Variants in ERI2 observed in about 807,000 individuals in gnomAD.
ERI2 encodes the protein ERI1 exoribonuclease family member 2.
ERI2 carries 35 observed loss-of-function variants against 46.8 expected under a neutral mutation model. That is an observed-to-expected ratio of 0.75 (90% CI 0.57 to 0.99). The LOEUF (loss-of-function observed/expected upper bound fraction) is 0.99, where lower values mean the gene tolerates loss of function less well. Ranked by LOEUF, ERI2 falls within the 50% of genes least tolerant of loss-of-function variation. The probability of loss-of-function intolerance (pLI) is 0.00; values close to 1 mark genes in which losing one functional copy is unlikely to be tolerated. For synonymous variants in ERI2, 224 were observed against 271.0 expected, an observed-to-expected ratio of 0.83 and a Z score of 1.70; for missense variants, 695 against 796.2, an observed-to-expected ratio of 0.87 and a Z score of 1.53.
chr16:20,785,167 A>T (rs2080445700), intron 10 of ERI2: 1 of 1,598,676 alleles, frequency 6.3e-7, no homozygotes, highest in East Asian at 2.3e-5. Flanking sequence ...AATAAAAACC[A>T]AAGTGTCCAC....
At position 20,798,015 on chromosome 16, in the gene ERI2, TG is replaced by T. The variant is rs777216613; in HGVS notation, c.1784del (p.Pro595HisfsTer81). On this transcript the variant is annotated frameshift_variant, in exon 9 of 9. Transcript: ENST00000357967. LOFTEE classifies it high-confidence loss of function. ...EPWKSGKMTP[P>X]LCKCGRRSKR... ...TAGATCTCCGACCACACTTGCATAA[TG>T]GAGGTGTCATTTTCCCACTCTTCCA... 191 of 1,551,846 alleles carry T rather than the reference TG, an allele frequency of 1.2e-4. No homozygotes were observed. The highest frequency in any genetic ancestry group is 1.4e-4 in the Non-Finnish European group (164 of 1,147,002).
rs1567371213 is a variant in ERI2, at chr16:20,800,300, A to ACCTT, written c.559_561+1dup. The ACCTT allele has an allele frequency of 6.3e-7, 1 of 1,592,474 alleles. No individual in the cohort carries two copies. The highest frequency in any genetic ancestry group is 1.1e-5 in the South Asian group (1 of 88,382). ...AAACATGCCCCCATTTTTTACCATT[A>ACCTT]CCTTGTAAGTTGCTCTGAGATCAAT... is the stretch of plus-strand genomic sequence containing the variant. On this transcript the variant is annotated splice_donor_variant, in intron 6 of 8. Coordinates refer to ENST00000357967, the MANE Select transcript of ERI2 (RefSeq NM_001142725.2). LOFTEE classifies it high-confidence loss of function.
chr16:20,803,365 A>C (rs971693234), intron 3 of ERI2, 68 bp downstream of exon 3: 2 of 1,527,184 alleles, frequency 1.3e-6, no homozygotes, highest in African/African-American at 2.8e-5. Flanking sequence ...CTTTTGGCTG[A>C]TTCAGATCTA....
intron 4 of ERI2, among the ~76,000 whole-genome samples, 188 bp from the exon 5 acceptor site, chr16:20,801,547 A>G (rs2080795746): frequency 6.6e-6 from 1 of 152,236 alleles, no homozygotes; most frequent in African/African-American, 2.4e-5. Context: ...TAGTGGAAAG[A>G]GGTAAAAACA....
At chr16:20,781,817 T>TG in intron 10 of ERI2, 1 of 1,510,158 alleles carries the variant, frequency 6.6e-7, no homozygotes, top group Non-Finnish European at 9.2e-7. Flanking sequence ...AGGCATCTAG[T>TG]GGGGAGAGGG....
intron 1 of ERI2, 23 bp downstream of exon 1, chr16:20,806,385 C>G: frequency 6.5e-7 from 1 of 1,549,800 alleles, no homozygotes; most frequent in African/African-American, 1.4e-5. Flanking sequence ...TACCCGCCCC[C>G]GACCCGGAAC....
In ERI2 at chr16:20,790,964, G is replaced by T. The variant is rs2080584536; in HGVS notation, c.733-32C>A. The T allele has an allele frequency of 6.3e-7, 1 of 1,598,050 alleles. No individual in the cohort carries two copies. Among genetic ancestry groups the T allele is most frequent in the East Asian group, 2.2e-5 (1 of 44,798 alleles). On this transcript the variant is annotated intron_variant, in intron 8 of 10. Coordinates refer to the ERI2 transcript ENST00000300005. The surrounding 1 kb of genome is among the most constrained non-coding windows in gnomAD (Gnocchi z 4.0). ...AGAGGACAGCCTCTTAACATCCCCT[G>T]ATCCTCTCAATTATCAAACAAAACC... is the stretch of plus-strand genomic sequence containing the variant.
chr16:20,784,648 A>G (rs146877473), intron 10 of ERI2: 3 of 162,608 alleles, frequency 1.8e-5, no homozygotes, highest in Non-Finnish European at 4.0e-5. Context: ...ATAAAATGTT[A>G]TTATGGGGTA....
intron 10 of ERI2, among the ~76,000 whole-genome samples, chr16:20,783,792 C>T (rs1198264826): frequency 1.4e-5 from 2 of 146,676 alleles, no homozygotes; most frequent in Non-Finnish European, 3.0e-5. Context: ...AACTGATACA[C>T]ATGTGTTCTC....
In ERI2 at chr16:20,797,644, A is replaced by C. The variant is rs2080745954; in HGVS notation, c.*80T>G. ...AGTAAACATTAATATATAAAATAAA[A>C]ATAAAATAGTGTAAGATGTTATCAG... On this transcript the variant is annotated 3_prime_UTR_variant, in exon 9 of 9. Coordinates refer to ENST00000357967, the MANE Select transcript of ERI2 (RefSeq NM_001142725.2). 1 of 1,382,954 alleles carries C rather than the reference A, an allele frequency of 7.2e-7. No homozygotes were observed. 85.7% of individuals were successfully genotyped at this position (1,382,954 alleles called of 1,614,324 possible). A position where few individuals can be genotyped will look rare whatever the true frequency, so the allele number is the denominator to read the frequency against.
At position 20,796,598 on chromosome 16, in the gene ERI2, C is replaced by T; in HGVS notation, c.*1126G>A. 6.4e-7 allele frequency: 1 copy of T among 1,550,504 alleles called. No individual in the cohort carries two copies. Among genetic ancestry groups the T allele is most frequent in the South Asian group, 1.2e-5 (1 of 81,972 alleles). The stretch of plus-strand genomic sequence containing the variant: ...CTTCACACATGCTGCACCACATGTC[C>T]CAAACTGAACTGATGACATATGGGT... On this transcript the variant is annotated 3_prime_UTR_variant, in exon 9 of 9. Transcript: ENST00000357967.
At chr16:20,781,747 C>T (rs1431247880) in intron 10 of ERI2, 1 of 1,613,396 alleles carries the variant, frequency 6.2e-7, no homozygotes, top group Admixed American at 1.7e-5. Flanking sequence ...CTGTTCAGCA[C>T]CAACTGTATA....
chr16:20,792,258 G>A (rs1313948823), downstream of ERI2: 2 of 1,613,996 alleles, frequency 1.2e-6, no homozygotes, highest in African/African-American at 1.3e-5. Context: ...ACCATTTGAG[G>A]TAGAAAATGC....
chr16:20,796,261 C>T (rs994909086), downstream of ERI2: 1 of 1,487,598 alleles, frequency 6.7e-7, no homozygotes, highest in African/African-American at 1.4e-5. Context: ...TATTAAAACA[C>T]ACTGGCCCAC....
At chr16:20,788,571 A>G (rs2080525454) in intron 10 of ERI2, among the ~76,000 whole-genome samples, 1 of 152,220 alleles carries the variant, frequency 6.6e-6, no homozygotes, top group Non-Finnish European at 1.5e-5. Flanking sequence ...CTGCAGTAAC[A>G]TTCTGGCATC....
intron 10 of ERI2, chr16:20,781,118 T>C: frequency 6.2e-7 from 1 of 1,614,028 alleles, no homozygotes; most frequent in Non-Finnish European, 8.5e-7. Flanking sequence ...TTGAGCCGAC[T>C]TCTATCTTGC....
chr16:20,805,135 G>A (rs576464759), intron 1 of ERI2, among the ~76,000 whole-genome samples: 2 of 152,194 alleles, frequency 1.3e-5, no homozygotes, highest in African/African-American at 4.8e-5. Context: ...TGAATTAAAA[G>A]GATCACTAGG....
chr16:20,785,030 A>C, intron 10 of ERI2: 1 of 1,613,744 alleles, frequency 6.2e-7, no homozygotes, highest in Non-Finnish European at 8.5e-7. Flanking sequence ...TGGGGAACCA[A>C]TTACCCCTGA....
At chr16:20,792,284 T>G (rs1308569555), downstream of ERI2, 1 of 1,614,110 alleles carries the variant, frequency 6.2e-7, no homozygotes, top group Admixed American at 1.7e-5. Flanking sequence ...ATGAACACCC[T>G]TCAGTTGCAG....
Sources: gnomAD v4.1 joint callset for allele counts (sites outside exome capture counted in the v4.1 genomes callset) on GRCh38, gnomAD v4.1.1 for gene constraint, Gnocchi (gnomAD v3.1) non-coding constraint, MANE v1.5 for transcripts, NCBI Gene and HGNC (gene_info 2026-07-23, HGNC 2026-07-21) for gene names.